The following ZNF385B variants were observed in gnomAD, a reference collection of about 807,000 sequenced individuals.
ZNF385B encodes the protein zinc finger protein 385B, also known as zinc finger protein 533.
Under a neutral mutation model 39.2 loss-of-function variants are expected in ZNF385B, and 23 were observed. That is an observed-to-expected ratio of 0.59 (90% CI 0.42 to 0.83). The LOEUF is 0.83. Among genes scored for constraint, ZNF385B ranks in the 40% least tolerant of loss-of-function variants. ZNF385B has a pLI of 0.00. For missense variants in ZNF385B, 552 were observed against 598.9 expected, an observed-to-expected ratio of 0.92 and a Z score of 0.82; for synonymous variants, 205 against 222.6, an observed-to-expected ratio of 0.92 and a Z score of 0.70.
intron 5 of ZNF385B, among the ~76,000 whole-genome samples, chr2:179,492,423 A>G (rs1288665616): frequency 1.3e-5 from 2 of 152,168 alleles, no homozygotes; most frequent in East Asian, 3.8e-4. Flanking sequence ...AGGCTTCCAC[A>G]CATTAATTTT....
intron 3 of ZNF385B, among the ~76,000 whole-genome samples, chr2:179,732,420 C>T (rs1701454151): frequency 6.6e-6 from 1 of 152,174 alleles, no homozygotes; most frequent in Non-Finnish European, 1.5e-5. Context: ...AATCCAATAG[C>T]ATCATCTTGA....
intron 5 of ZNF385B, among the ~76,000 whole-genome samples, chr2:179,498,854 CCAATA>C (rs1482699950): frequency 5.3e-5 from 8 of 150,996 alleles, no homozygotes; most frequent in Non-Finnish European, 7.4e-5. Context: ...ACATGAAAAA[CCAATA>C]CAAAAAAAAT....
In ZNF385B at chr2:179,711,881, ATTTTTTTTT is replaced by A. The variant is rs747336802; in HGVS notation, c.298+57613_298+57621del. The stretch of plus-strand genomic sequence containing the variant: ...ACTGCAAAAATGCTATATAAACTGC[ATTTTTTTTT>A]TTTTTTTTTTTTTTTTTACAAATGG... On this transcript the variant is annotated intron_variant, in intron 3 of 9. Transcript: ENST00000410066. Among the ~76,000 whole-genome samples, 23 of 90,920 alleles carry A rather than the reference ATTTTTTTTT, an allele frequency of 2.5e-4. 1 individual carries two copies. Among genetic ancestry groups the A allele is most frequent in the African/African-American group, 9.2e-4 (21 of 22,728 alleles). The allele number at this position is 90,920 out of a possible 152,430, so 59.6% of individuals were successfully genotyped here. A position where few individuals can be genotyped will look rare whatever the true frequency, so the allele number is the denominator to read the frequency against.
chr2:179,524,245 GTTC>G (rs1416956546), intron 4 of ZNF385B, among the ~76,000 whole-genome samples: 1 of 151,998 alleles, frequency 6.6e-6, no homozygotes, highest in Non-Finnish European at 1.5e-5. Flanking sequence ...TAGAAATCAG[GTTC>G]TTTACTTTTA....
At chr2:179,620,385 T>G (rs1430951775) in intron 3 of ZNF385B, among the ~76,000 whole-genome samples, 1 of 152,212 alleles carries the variant, frequency 6.6e-6, no homozygotes, top group Non-Finnish European at 1.5e-5. Flanking sequence ...GATGAACTTT[T>G]CTGGTTTTAG....
At chr2:179,718,539 G>T (rs7584968) in intron 3 of ZNF385B, among the ~76,000 whole-genome samples, 45,726 of 147,362 alleles carry the variant, frequency 0.31, 7,374 homozygotes, top group East Asian at 0.5. Flanking sequence ...AAGAGAGAGA[G>T]ATATATATAT....
intron 3 of ZNF385B, among the ~76,000 whole-genome samples, chr2:179,571,975 C>T (rs563577445): frequency 2.2e-3 from 328 of 152,112 alleles, no homozygotes; most frequent in South Asian, 3.5e-3. Flanking sequence ...CTGTGTAGGT[C>T]TCTTTTCCAG....
chr2:179,711,445 G>A (rs1699989154), intron 3 of ZNF385B, among the ~76,000 whole-genome samples: 1 of 152,184 alleles, frequency 6.6e-6, no homozygotes, highest in South Asian at 2.1e-4. Flanking sequence ...TGAAAAGAAT[G>A]TGAGGTCCAT....
intron 3 of ZNF385B, among the ~76,000 whole-genome samples, chr2:179,600,159 G>T (rs1688301608): frequency 6.6e-6 from 1 of 152,160 alleles, no homozygotes; most frequent in Admixed American, 6.5e-5. Flanking sequence ...GCCCAGAACA[G>T]ATTTAATGGT....
chr2:179,851,482 T>C (rs1684145197), intron 1 of ZNF385B, among the ~76,000 whole-genome samples: 1 of 152,088 alleles, frequency 6.6e-6, no homozygotes, highest in Non-Finnish European at 1.5e-5. Context: ...AGCTGACATC[T>C]ATGAGGGCTG....
intron 1 of ZNF385B, among the ~76,000 whole-genome samples, chr2:179,795,007 C>T (rs1310412413): frequency 2.0e-5 from 3 of 151,874 alleles, no homozygotes; most frequent in Non-Finnish European, 4.4e-5. Flanking sequence ...TAGCAGAGAA[C>T]AGTAATATGT....
At chr2:179,769,219 T>A (rs1384877200) in intron 3 of ZNF385B, among the ~76,000 whole-genome samples, 1 of 152,174 alleles carries the variant, frequency 6.6e-6, no homozygotes, top group East Asian at 1.9e-4. Context: ...TCAAAATACA[T>A]TCAGAAGTGT....
Position 179,469,106 on chromosome 2 carries a change from G to A in ZNF385B, c.715+14166C>T, listed in dbSNP as rs1292695549. Among the ~76,000 whole-genome samples, 4 of 152,150 alleles carry A rather than the reference G, an allele frequency of 2.6e-5. No homozygotes were observed. In the South Asian group the frequency reaches 6.2e-4, roughly 24 times the overall value. On this transcript the variant is annotated intron_variant, in intron 6 of 9. Transcript: ENST00000410066. Reference sequence around the variant, plus strand: ...CATAGGAAGTCTCCTTTAAAAAGTGGTATCAAGCTGCTCTGCTCTGCCTAT... The same window carrying A: ...CATAGGAAGTCTCCTTTAAAAAGTGATATCAAGCTGCTCTGCTCTGCCTAT...
chr2:179,635,880 C>A (rs1335322270), intron 3 of ZNF385B, among the ~76,000 whole-genome samples: 2 of 151,724 alleles, frequency 1.3e-5, no homozygotes, highest in Admixed American at 6.6e-5. Flanking sequence ...GATCTTGTGA[C>A]CTACACAAAC....
At chr2:179,544,692 G>C in intron 4 of ZNF385B, 135 bp downstream of exon 4, 1 of 1,067,810 alleles carries the variant, frequency 9.4e-7, no homozygotes, top group Admixed American at 1.9e-5. Flanking sequence ...ATCTTTCATA[G>C]CACAACTGAG....
intron 3 of ZNF385B, among the ~76,000 whole-genome samples, chr2:179,700,445 T>TG (rs1252898514): frequency 1.3e-5 from 2 of 150,820 alleles, no homozygotes; most frequent in Non-Finnish European, 3.0e-5. Flanking sequence ...CAATATGCTA[T>TG]GTGCCAGGGG....
At chr2:179,637,890 A>ATATT (rs758940450) in intron 3 of ZNF385B, among the ~76,000 whole-genome samples, 2 of 152,206 alleles carry the variant, frequency 1.3e-5, no homozygotes, top group African/African-American at 2.4e-5. Context: ...AGTAAGAAAA[A>ATATT]TATTTATGCT....
At chr2:179,544,745 C>T (rs1028988783) in intron 4 of ZNF385B, 82 bp downstream of exon 4, 6 of 1,541,668 alleles carry the variant, frequency 3.9e-6, no homozygotes, top group Middle Eastern at 1.8e-4. Flanking sequence ...ACTTTGGAAA[C>T]AGGCTGTATC....
At chr2:179,575,265 A>G (rs978793025) in intron 3 of ZNF385B, among the ~76,000 whole-genome samples, 16 of 152,116 alleles carry the variant, frequency 1.1e-4, no homozygotes, top group Admixed American at 2.6e-4. Context: ...AATAAAACAT[A>G]TATGTAGAAG....
Sources: gnomAD v4.1 joint callset for allele counts (sites outside exome capture counted in the v4.1 genomes callset) on GRCh38, gnomAD v4.1.1 for gene constraint, MANE v1.5 for transcripts, NCBI Gene and HGNC (gene_info 2026-07-23, HGNC 2026-07-21) for gene names.